The following ZNF385D variants were observed in gnomAD, a reference collection of about 807,000 sequenced individuals.
ZNF385D encodes zinc finger protein 659.
A neutral mutation model predicts 35.8 loss-of-function variants in ZNF385D; 15 were observed. That is an observed-to-expected ratio of 0.42 (90% CI 0.28 to 0.64). The LOEUF (loss-of-function observed/expected upper bound fraction) is 0.64. Among genes scored for constraint, ZNF385D ranks in the 30% least tolerant of loss-of-function variants. The pLI, the probability that ZNF385D is intolerant of heterozygous loss-of-function variation, is 0.23. For synonymous variants in ZNF385D, 212 were observed against 186.8 expected (o/e 1.13, Z -1.10); for missense variants, 474 against 494.6 (o/e 0.96, Z 0.39).
At chr3:21,464,964 C>A (rs1183086919) in intron 4 of ZNF385D, among the ~76,000 whole-genome samples, 4 of 152,026 alleles carry the variant, frequency 2.6e-5, no homozygotes, top group African/African-American at 7.2e-5. Context: ...GTTTATGAGA[C>A]CATCATGTGA....
At chr3:22,339,652 C>G (rs1375851661) in intron 2 of ZNF385D, among the ~76,000 whole-genome samples, 2 of 152,232 alleles carry the variant, frequency 1.3e-5, no homozygotes, top group Non-Finnish European at 2.9e-5. Context: ...ATCCTTGCTA[C>G]TGTTCTACAG....
At chr3:21,457,076 A>G (rs142516564) in intron 4 of ZNF385D, among the ~76,000 whole-genome samples, 5 of 152,278 alleles carry the variant, frequency 3.3e-5, no homozygotes, top group African/African-American at 9.6e-5. Flanking sequence ...TTTGTTCTCT[A>G]TTGATCCTTA....
chr3:21,491,934 T>TAC (rs1460585605), intron 4 of ZNF385D, among the ~76,000 whole-genome samples: 1 of 151,994 alleles, frequency 6.6e-6, no homozygotes, highest in Non-Finnish European at 1.5e-5. Flanking sequence ...AAGGTAAAGC[T>TAC]ACACACACAC....
At chr3:22,324,760 C>G (rs1694598746) in intron 2 of ZNF385D, among the ~76,000 whole-genome samples, 1 of 152,132 alleles carries the variant, frequency 6.6e-6, no homozygotes, top group African/African-American at 2.4e-5. Context: ...CTTCCCTCAC[C>G]ACAAGTGCTA....
chr3:21,597,373 AAAAT>A (rs2064156654), intron 2 of ZNF385D, among the ~76,000 whole-genome samples: 1 of 152,098 alleles, frequency 6.6e-6, no homozygotes, highest in Non-Finnish European at 1.5e-5. Flanking sequence ...AAAAAAAAGA[AAAAT>A]AAAAGAATGC....
chr3:21,610,771 T>TC (rs148351938), intron 2 of ZNF385D, among the ~76,000 whole-genome samples: 17 of 124,348 alleles, frequency 1.4e-4, no homozygotes, highest in African/African-American at 3.3e-4. Flanking sequence ...CGAGACTCCG[T>TC]CCCCCCCAAA....
chr3:21,593,636 A>G (rs1237031161), intron 2 of ZNF385D, among the ~76,000 whole-genome samples: 1 of 152,114 alleles, frequency 6.6e-6, no homozygotes, highest in African/African-American at 2.4e-5. Context: ...ACATGCCAAT[A>G]TGTACACACA....
intron 3 of ZNF385D, among the ~76,000 whole-genome samples, chr3:21,870,758 T>A (rs1292717076): frequency 6.6e-6 from 1 of 152,158 alleles, no homozygotes; most frequent in Admixed American, 6.6e-5. Flanking sequence ...ATTTCTGCTC[T>A]GTGAACTGGC....
At chr3:22,048,716 T>C (rs1043193523) in intron 3 of ZNF385D, among the ~76,000 whole-genome samples, 1 of 152,206 alleles carries the variant, frequency 6.6e-6, no homozygotes, top group African/African-American at 2.4e-5. Context: ...CAAGATTGCT[T>C]TAACTATTCT....
intron 2 of ZNF385D, among the ~76,000 whole-genome samples, chr3:22,338,762 G>A (rs1032065340): frequency 5.5e-5 from 8 of 145,150 alleles, no homozygotes; most frequent in Non-Finnish European, 7.4e-5. Flanking sequence ...GTACAATGGC[G>A]CGATCTCGGC....
intron 3 of ZNF385D, among the ~76,000 whole-genome samples, chr3:22,110,302 G>C (rs1179936190): frequency 6.6e-6 from 1 of 151,868 alleles, no homozygotes; most frequent in African/African-American, 2.4e-5. Context: ...ATACCCAAAG[G>C]ATTATAAATC....
intron 3 of ZNF385D, among the ~76,000 whole-genome samples, chr3:21,528,858 G>T (rs955314183): frequency 6.6e-6 from 1 of 152,166 alleles, no homozygotes; most frequent in Non-Finnish European, 1.5e-5. Flanking sequence ...AAGTCTGTAA[G>T]ATTTCATTTT....
intron 3 of ZNF385D, among the ~76,000 whole-genome samples, chr3:21,805,999 A>G (rs1451963309): frequency 6.6e-6 from 1 of 152,270 alleles, no homozygotes; most frequent in East Asian, 1.9e-4. Flanking sequence ...CAATGTCTAT[A>G]AAAGGATATT....
At chr3:22,251,332 T>C (rs924107326) in intron 2 of ZNF385D, among the ~76,000 whole-genome samples, 1 of 152,104 alleles carries the variant, frequency 6.6e-6, no homozygotes, top group African/African-American at 2.4e-5. Flanking sequence ...GCGTAAGCAC[T>C]CCACCATCAG....
intron 2 of ZNF385D, among the ~76,000 whole-genome samples, chr3:22,183,983 G>A (rs986649906): frequency 6.6e-6 from 1 of 152,008 alleles, no homozygotes; most frequent in Non-Finnish European, 1.5e-5. Flanking sequence ...ACAAAACTAT[G>A]AGTTTCACTT....
chr3:21,790,924 C>T (rs2071901709), intron 3 of ZNF385D, among the ~76,000 whole-genome samples: 1 of 151,890 alleles, frequency 6.6e-6, no homozygotes, highest in African/African-American at 2.4e-5. Context: ...TTCCTGCTTC[C>T]TAAGTTGTCA....
rs1428154501 is a variant in ZNF385D at position 22,217,407 on chromosome 3, C to T, written c.107-48372G>A. On this transcript the variant is annotated intron_variant, in intron 2 of 5. Coordinates refer to the ZNF385D transcript ENST00000494108. ...AAGAAGGCATCTCCTTATCTGTTGGCCTCATCATACCTGATTAAAACAAAA... is the reference window on the plus strand; with the variant it reads ...AAGAAGGCATCTCCTTATCTGTTGGTCTCATCATACCTGATTAAAACAAAA... Among the ~76,000 whole-genome samples the T allele has an allele frequency of 2.0e-5, 3 of 152,074 alleles. No individual in the cohort carries two copies. The East Asian group carries it at 5.8e-4, about 29-fold the overall frequency.
intron 3 of ZNF385D, among the ~76,000 whole-genome samples, chr3:21,546,123 C>G (rs567900922): frequency 6.6e-6 from 1 of 152,204 alleles, no homozygotes; most frequent in East Asian, 1.9e-4. Flanking sequence ...CAAAACTCAT[C>G]AAACTTACCA....
rs34471727 is a variant in ZNF385D at position 21,858,157 on chromosome 3, C to CAAA, written c.326-193132_326-193130dup. Among the ~76,000 whole-genome samples the CAAA allele has an allele frequency of 3.0e-3, 358 of 119,580 alleles. 4 individuals are homozygous for CAAA. Among genetic ancestry groups the CAAA allele is most frequent in the African/African-American group, 9.7e-3 (313 of 32,398 alleles). 78.4% of individuals were successfully genotyped at this position (119,580 alleles called of 152,430 possible). On this transcript the variant is annotated intron_variant, in intron 3 of 5. Coordinates refer to the ZNF385D transcript ENST00000494108. ...TGCCTGGGACACAGCAAGAGTCTAT[C>CAAA]AAAAAAAAAAAAAAAAGGGAAATAC... is the stretch of plus-strand genomic sequence containing the variant.
Sources: allele counts gnomAD v4.1 joint callset (sites outside exome capture counted in the v4.1 genomes callset), GRCh38; gene constraint gnomAD v4.1.1; transcripts MANE v1.5; gene names NCBI Gene and HGNC (gene_info 2026-07-23, HGNC 2026-07-21).